SVIP: variants seen among roughly 807,000 people sequenced by gnomAD.
SVIP encodes small VCP/p97-interacting protein.
A neutral mutation model predicts 12.9 loss-of-function variants in SVIP; 14 were observed. That is an observed-to-expected ratio of 1.08 (90% confidence interval 0.72 to 1.70). The LOEUF (loss-of-function observed/expected upper bound fraction) is 1.70. Ranked by LOEUF, SVIP falls within the 40% of genes most tolerant of loss-of-function variation. The pLI is 0.00. For synonymous variants in SVIP, 35 were observed against 33.3 expected, an observed-to-expected ratio of 1.05 and a Z score of -0.17; for missense variants, 93 against 90.8, an observed-to-expected ratio of 1.02 and a Z score of -0.10.
rs2134739008 is a variant in SVIP at position 22,821,119 on chromosome 11, CATATATAAT to C, written c.*1991_*1999del. On this transcript the variant is annotated 3_prime_UTR_variant, in exon 4 of 4. Coordinates refer to ENST00000354193, the MANE Select transcript of SVIP (RefSeq NM_148893.3). ...GATATTATGTGTATATATATACACA[CATATATAAT>C]ATATATATTATATATATATATAATT... The C allele has an allele frequency of 6.8e-6, 1 of 146,574 alleles. No individual in the cohort carries two copies. Among genetic ancestry groups the C allele is most frequent in the South Asian group, 2.1e-4 (1 of 4,694 alleles). 9.1% of individuals were successfully genotyped at this position (146,574 alleles called of 1,614,324 possible).
At position 22,819,427 on chromosome 11, in the gene SVIP, A is replaced by G. The variant is rs1385439811; in HGVS notation, c.*3692T>C. On this transcript the variant is annotated 3_prime_UTR_variant, in exon 4 of 4. Coordinates refer to ENST00000354193, the MANE Select transcript of SVIP (RefSeq NM_148893.3). ...CAAAGAATGGATCAAACCTGTTTTG[A>G]TAACTAGAAGACATTAACTCAAAAC... is the stretch of plus-strand genomic sequence containing the variant. The G allele has an allele frequency of 6.6e-6, 1 of 152,250 alleles. No homozygotes were observed. Among genetic ancestry groups the G allele is most frequent in the Non-Finnish European group, 1.5e-5 (1 of 68,042 alleles). 9.4% of individuals were successfully genotyped at this position (152,250 alleles called of 1,614,324 possible).
At position 22,827,375 on chromosome 11, in the gene SVIP, C is replaced by A; in HGVS notation, c.106-55G>T. ...AGACAACAAAAATCTGTCCAGTGTG[C>A]AAAACATTTTTTTGTCTATCTTTGC... On this transcript the variant is annotated intron_variant, in intron 2 of 3. Coordinates refer to ENST00000354193, the MANE Select transcript of SVIP (RefSeq NM_148893.3). 6 of 1,434,004 alleles carry A rather than the reference C, an allele frequency of 4.2e-6. No individual in the cohort carries two copies. The South Asian group carries it at 7.6e-5, about 18-fold the overall frequency. The allele number at this position is 1,434,004 out of a possible 1,614,324, so 88.8% of individuals were successfully genotyped here.
rs769429604 is a variant in SVIP, at chr11:22,827,328, A to C, written c.106-8T>G. ...AATTCCCCGAGATGCAGCCTTGAAG[A>C]AATTTGATAAGAAAAACAGAAAGAC... On this transcript the variant is annotated splice_region_variant and splice_polypyrimidine_tract_variant and intron_variant, in intron 2 of 3. Coordinates refer to ENST00000354193, the MANE Select transcript of SVIP (RefSeq NM_148893.3). 1 of 1,584,926 alleles carries C rather than the reference A, an allele frequency of 6.3e-7. No homozygotes were observed. Among genetic ancestry groups the C allele is most frequent in the South Asian group, 1.2e-5 (1 of 85,572 alleles).
Position 22,821,609 on chromosome 11 carries a change from A to G in SVIP, c.*1510T>C, listed in dbSNP as rs712022. ...CTCTATATGCACTCCGCTATCAATCATTCCTTTTACTTTCTGCCTTGAAAA... is the reference window on the plus strand; with the variant it reads ...CTCTATATGCACTCCGCTATCAATCGTTCCTTTTACTTTCTGCCTTGAAAA... On this transcript the variant is annotated 3_prime_UTR_variant, in exon 4 of 4. Transcript: ENST00000354193. 6.6e-6 allele frequency: 1 copy of G among 151,974 alleles called. No individual in the cohort carries two copies. Among genetic ancestry groups the G allele is most frequent in the Non-Finnish European group, 1.5e-5 (1 of 67,984 alleles). The allele number at this position is 151,974 out of a possible 1,614,324, so 9.4% of individuals were successfully genotyped here. A position where few individuals can be genotyped will look rare whatever the true frequency, so the allele number is the denominator to read the frequency against.
At chr11:22,828,358 A>T (rs767735478) in intron 1 of SVIP, among the ~76,000 whole-genome samples, 9 of 152,188 alleles carry the variant, frequency 5.9e-5, no homozygotes, top group Non-Finnish European at 1.3e-4. Context: ...ATTTTTCTAG[A>T]CCATGTACTA....
intron 3 of SVIP, among the ~76,000 whole-genome samples, chr11:22,826,991 TAATA>T (rs1490588509): frequency 2.0e-5 from 3 of 152,096 alleles, no homozygotes; most frequent in Non-Finnish European, 4.4e-5. Context: ...AGTGTTAAAA[TAATA>T]AATCTATTAT....
At chr11:22,824,994 T>TTGACTTC (rs1857642958) in intron 3 of SVIP, among the ~76,000 whole-genome samples, 1 of 152,106 alleles carries the variant, frequency 6.6e-6, no homozygotes, top group African/African-American at 2.4e-5. Context: ...CATCATCACA[T>TTGACTTC]TGACTTCTTC....
chr11:22,823,233 G>A (rs1398316806), intron 3 of SVIP, 100 bp from the exon 4 acceptor site: 30 of 812,300 alleles, frequency 3.7e-5, no homozygotes, highest in Non-Finnish European at 5.5e-5. Context: ...ATGGGACATA[G>A]AAATACAAAA....
At chr11:22,824,498 G>A (rs201029417) in intron 3 of SVIP, among the ~76,000 whole-genome samples, 5 of 138,730 alleles carry the variant, frequency 3.6e-5, no homozygotes, top group African/African-American at 7.8e-5. Context: ...ATATATATAC[G>A]TATATATATA....
At chr11:22,824,500 A>G (rs1857617695) in intron 3 of SVIP, among the ~76,000 whole-genome samples, 1 of 146,510 alleles carries the variant, frequency 6.8e-6, no homozygotes, top group Non-Finnish European at 1.5e-5. Context: ...ATATATACGT[A>G]TATATATACA....
intron 3 of SVIP, 152 bp downstream of exon 3, chr11:22,827,055 T>C (rs1024004269): frequency 3.4e-6 from 2 of 591,520 alleles, no homozygotes; most frequent in South Asian, 2.2e-5. Context: ...TTAAAATAAA[T>C]TGGTATTACT....
chr11:22,824,486 G>A (rs981357050), intron 3 of SVIP, among the ~76,000 whole-genome samples: 1 of 131,106 alleles, frequency 7.6e-6, no homozygotes, highest in South Asian at 2.5e-4. Context: ...ATATATATAT[G>A]TATATATATA....
chr11:22,821,736 T>C lies in SVIP; in HGVS notation c.*1383A>G, dbSNP rs1036838844. 3 of 152,270 alleles carry C rather than the reference T, an allele frequency of 2.0e-5. No homozygotes were observed. The highest frequency in any genetic ancestry group is 2.4e-5 in the African/African-American group (1 of 41,568). The allele number at this position is 152,270 out of a possible 1,614,324, so 9.4% of individuals were successfully genotyped here. Reference sequence around the variant, plus strand: ...AGCACGAATCCTCTAAAGAAGAAAATTGAGCCAAATTGTTATGTTTTGCCT... The same window carrying C: ...AGCACGAATCCTCTAAAGAAGAAAACTGAGCCAAATTGTTATGTTTTGCCT... On this transcript the variant is annotated 3_prime_UTR_variant, in exon 4 of 4. Coordinates refer to ENST00000354193, the MANE Select transcript of SVIP (RefSeq NM_148893.3).
chr11:22,823,083 G>C lies in SVIP; in HGVS notation c.*36C>G, dbSNP rs1251458864. On this transcript the variant is annotated 3_prime_UTR_variant, in exon 4 of 4. Transcript: ENST00000354193. The stretch of plus-strand genomic sequence containing the variant: ...CCCACTTGATTGCAGATAATAAACA[G>C]TTATTGGCAGTAGATTCTTCTACTC... 2 of 1,554,036 alleles carry C rather than the reference G, an allele frequency of 1.3e-6. No homozygotes were observed. The highest frequency in any genetic ancestry group is 8.7e-7 in the Non-Finnish European group (1 of 1,143,200).
chr11:22,828,038 C>G (rs940063416), intron 1 of SVIP, among the ~76,000 whole-genome samples, 164 bp from the exon 2 acceptor site: 6 of 152,134 alleles, frequency 3.9e-5, no homozygotes, highest in African/African-American at 1.4e-4. Flanking sequence ...TTTCATTCTC[C>G]TAATCAATAT....
chr11:22,826,421 A>G (rs1857706329), intron 3 of SVIP, among the ~76,000 whole-genome samples: 1 of 152,170 alleles, frequency 6.6e-6, no homozygotes, highest in African/African-American at 2.4e-5. Flanking sequence ...CTCATAAATC[A>G]TTGACAAGTT....
At chr11:22,824,497 CGTATATATAT>C (rs1857617080) in intron 3 of SVIP, among the ~76,000 whole-genome samples, 1 of 120,240 alleles carries the variant, frequency 8.3e-6, no homozygotes, top group Non-Finnish European at 1.9e-5. Flanking sequence ...TATATATATA[CGTATATATAT>C]ACACACATAT....
Position 22,822,147 on chromosome 11 carries a change from G to A in SVIP, c.*972C>T, listed in dbSNP as rs112993566. On this transcript the variant is annotated 3_prime_UTR_variant, in exon 4 of 4. Transcript: ENST00000354193. ...TGTTTCTAATGAACAAAAATGTTAA[G>A]GTTTATGACTATGCATTGTATAGAA... The A allele has an allele frequency of 1.5e-4, 23 of 152,050 alleles. No homozygotes were observed. Among genetic ancestry groups the A allele is most frequent in the African/African-American group, 5.1e-4 (21 of 41,476 alleles). The allele number at this position is 152,050 out of a possible 1,614,324, so 9.4% of individuals were successfully genotyped here.
chr11:22,819,831 T>G lies in SVIP; in HGVS notation c.*3288A>C, dbSNP rs1736903311. On this transcript the variant is annotated 3_prime_UTR_variant, in exon 4 of 4. Transcript: ENST00000354193. ...AATTCAGGATATAATAACAAAAAAG[T>G]ATGATATCCACAGGAGTAATGTATG... The G allele has an allele frequency of 6.6e-6, 1 of 152,176 alleles. No homozygotes were observed. Among genetic ancestry groups the G allele is most frequent in the Admixed American group, 6.5e-5 (1 of 15,278 alleles). 9.4% of individuals were successfully genotyped at this position (152,176 alleles called of 1,614,324 possible). A position where few individuals can be genotyped will look rare whatever the true frequency, so the allele number is the denominator to read the frequency against.
Sources: allele counts gnomAD v4.1 joint callset (sites outside exome capture counted in the v4.1 genomes callset), GRCh38; gene constraint gnomAD v4.1.1; transcripts MANE v1.5; gene names NCBI Gene and HGNC (gene_info 2026-07-23, HGNC 2026-07-21).